CNIH3: variants seen among roughly 807,000 people sequenced by gnomAD.
CNIH3 encodes the protein protein cornichon homolog 3.
CNIH3 carries 14 observed loss-of-function variants against 24.1 expected under a neutral mutation model. That is an observed-to-expected ratio of 0.58 (90% confidence interval 0.38 to 0.91). The LOEUF is 0.91. Among genes scored for constraint, CNIH3 ranks in the 40% least tolerant of loss-of-function variants. CNIH3 has a pLI of 0.00. For missense variants in CNIH3, 178 were observed against 196.8 expected (o/e 0.90, Z 0.57); for synonymous variants, 68 against 73.8 (o/e 0.92, Z 0.40).
intron 1 of CNIH3, among the ~76,000 whole-genome samples, chr1:224,659,165 T>C (rs1415558415): frequency 1.3e-5 from 2 of 152,206 alleles, no homozygotes; most frequent in Non-Finnish European, 2.9e-5. Context: ...CTGCGTCTCA[T>C]GAAAGCAGTT....
At chr1:224,598,705 A>T (rs1439536060) in intron 3 of CNIH3, among the ~76,000 whole-genome samples, 2 of 152,240 alleles carry the variant, frequency 1.3e-5, no homozygotes, top group African/African-American at 4.8e-5. Flanking sequence ...ACCAGCAAAA[A>T]GATTAAGACT....
At chr1:224,726,706 G>A (rs1230456714) in intron 3 of CNIH3, among the ~76,000 whole-genome samples, 2 of 151,996 alleles carry the variant, frequency 1.3e-5, no homozygotes, top group East Asian at 3.9e-4. Flanking sequence ...GATCCCCCTG[G>A]TTGGAATGAA....
At chr1:224,477,734 T>C (rs1433392360) in intron 1 of CNIH3, among the ~76,000 whole-genome samples, 3 of 152,238 alleles carry the variant, frequency 2.0e-5, no homozygotes, top group Non-Finnish European at 2.9e-5. Flanking sequence ...TGTGTTTTTC[T>C]GTGTGCTTAC....
At chr1:224,457,963 G>A (rs1445898252) in intron 1 of CNIH3, among the ~76,000 whole-genome samples, 1 of 152,172 alleles carries the variant, frequency 6.6e-6, no homozygotes, top group Non-Finnish European at 1.5e-5. Context: ...GTGTGGGGAG[G>A]AAGCAGACTT....
chr1:224,615,610 AC>A (rs1245757238), upstream of CNIH3: 3 of 152,184 alleles, frequency 2.0e-5, no homozygotes, highest in Non-Finnish European at 2.9e-5. Flanking sequence ...AAAACGGTCT[AC>A]CTTCAAAAGC....
At chr1:224,615,123 G>C (rs1682890713), upstream of CNIH3, 1 of 152,020 alleles carries the variant, frequency 6.6e-6, no homozygotes, top group Non-Finnish European at 1.5e-5. Context: ...CAGCTCTCAA[G>C]GCATTGGAAT....
intron 1 of CNIH3, among the ~76,000 whole-genome samples, chr1:224,642,368 T>C (rs1250256720): frequency 1.3e-5 from 2 of 152,216 alleles, no homozygotes; most frequent in Non-Finnish European, 2.9e-5. Flanking sequence ...AAGCTGGGAC[T>C]ACAGGCATAT....
chr1:224,684,117 A>T lies in CNIH3; in HGVS notation c.151-679A>T, dbSNP rs1686534997. 6.6e-6 allele frequency among the ~76,000 whole-genome samples: 1 copy of T among 152,192 alleles called. No homozygotes were observed. Among genetic ancestry groups the T allele is most frequent in the Non-Finnish European group, 1.5e-5 (1 of 68,030 alleles). On this transcript the variant is annotated intron_variant, in intron 2 of 5. Transcript: ENST00000272133. This position sits in a 1 kb window ranked among gnomAD's most constrained non-coding sequence, Gnocchi z 4.2. ...TTCAGTGTGGCTTTGGAAATCGTTA[A>T]AGTCACTGAAGGAAAAGGGAGGCAA...
rs987969820 is a variant in CNIH3 at position 224,604,054 on chromosome 1, T to G, written n.402+37790T>G. 3.3e-5 allele frequency among the ~76,000 whole-genome samples: 5 copies of G among 152,264 alleles called. No homozygotes were observed. Among genetic ancestry groups the G allele is most frequent in the African/African-American group, 1.2e-4 (5 of 41,474 alleles). Reference sequence around the variant, plus strand: ...TGTAGAACCAGTGGCAACCACATGATTTCAGTAGAGTGATAAAAATGTGAT... The same window carrying G: ...TGTAGAACCAGTGGCAACCACATGAGTTCAGTAGAGTGATAAAAATGTGAT... On this transcript the variant is annotated intron_variant and non_coding_transcript_variant, in intron 3 of 7. Transcript: ENST00000478120. The surrounding 1 kb of genome is among the most constrained non-coding windows in gnomAD (Gnocchi z 4.4).
intron 2 of CNIH3, among the ~76,000 whole-genome samples, chr1:224,681,717 G>A (rs565054156): frequency 2.0e-5 from 3 of 152,198 alleles, no homozygotes; most frequent in Non-Finnish European, 2.9e-5. Context: ...GGGGACAGGT[G>A]TTTTGGCTGT....
chr1:224,628,452 C>T (rs1286120052), intron 1 of CNIH3, among the ~76,000 whole-genome samples: 1 of 152,084 alleles, frequency 6.6e-6, no homozygotes, highest in Non-Finnish European at 1.5e-5. Flanking sequence ...CTCTCCTCCC[C>T]AAGCCCCTGG....
rs200750410 is a variant in CNIH3, at chr1:224,471,042, TTTTG to T, written n.203+36200_203+36203del. Among the ~76,000 whole-genome samples, 818 of 152,172 alleles carry T rather than the reference TTTTG, an allele frequency of 5.4e-3. 16 individuals carry two copies. Among genetic ancestry groups the T allele is most frequent in the Middle Eastern group, 0.01 (3 of 294 alleles). ...TCGTTGTGCTAGCAAATACTAGGTT[TTTTG>T]TTTGTTTGTTTGTTTGTTTTAGATG... is the stretch of plus-strand genomic sequence containing the variant. On this transcript the variant is annotated intron_variant and non_coding_transcript_variant, in intron 1 of 5. Transcript: ENST00000471578.
At chr1:224,457,641 C>A (rs1675735198) in intron 1 of CNIH3, among the ~76,000 whole-genome samples, 1 of 151,914 alleles carries the variant, frequency 6.6e-6, no homozygotes, top group African/African-American at 2.4e-5. Flanking sequence ...TCATTTCCAG[C>A]CAGGCACTTT....
chr1:224,466,072 T>C (rs992965797), intron 1 of CNIH3, among the ~76,000 whole-genome samples: 1 of 152,122 alleles, frequency 6.6e-6, no homozygotes, highest in Non-Finnish European at 1.5e-5. Context: ...GAAATTGGCA[T>C]TAGTACAATC....
Position 224,617,233 on chromosome 1 carries a change from T to G in CNIH3, c.59T>G (p.Leu20Arg), listed in dbSNP as rs761762363. The G allele has an allele frequency of 6.2e-7, 1 of 1,613,982 alleles. No homozygotes were observed. Among genetic ancestry groups the G allele is most frequent in the Non-Finnish European group, 8.5e-7 (1 of 1,179,948 alleles). The change falls in exon 1 of 6, where the codon CTC becomes CGC. Residue 20 changes from leucine to arginine, a missense_variant. Coordinates refer to ENST00000272133, the MANE Select transcript of CNIH3 (RefSeq NM_152495.2). ...YMLSLVLCAA[L>R]IFFAIWHIIA... Reference sequence around the variant, plus strand: ...CTGTCTCTGGTGCTGTGCGCTGCGCTCATCTTCTTCGCCATCTGGCACGTG... The same window carrying G: ...CTGTCTCTGGTGCTGTGCGCTGCGCGCATCTTCTTCGCCATCTGGCACGTG...
At position 224,684,798 on chromosome 1, in the gene CNIH3, G is replaced by T; in HGVS notation, c.153G>T (p.Arg51Ser). ...PIDQCNPVHA[R>S]ERLRNIERIC... ...TTCTTTCTTGTGCATCCTGATAGAG[G>T]GAACGGTTGAGGAACATCGAGCGCA... Residue 51 changes from arginine (R) to serine (S), a missense_variant and splice_region_variant, in exon 3 of 6, where the codon AGG becomes AGT. By Grantham distance (110) the Arg-to-Ser change is moderately radical (BLOSUM62 -1). Coordinates refer to ENST00000272133, the MANE Select transcript of CNIH3 (RefSeq NM_152495.2). The surrounding 1 kb of genome is among the most constrained non-coding windows in gnomAD (Gnocchi z 4.2). The T allele has an allele frequency of 6.2e-7, 1 of 1,614,004 alleles. No individual in the cohort carries two copies. The highest frequency in any genetic ancestry group is 1.3e-5 in the African/African-American group (1 of 75,058).
chr1:224,662,600 T>C (rs907658675), intron 1 of CNIH3, among the ~76,000 whole-genome samples: 12 of 152,202 alleles, frequency 7.9e-5, no homozygotes, highest in African/African-American at 2.9e-4. Flanking sequence ...ATCTTACCAA[T>C]AATTTTAAAG....
downstream of CNIH3, chr1:224,588,679 G>A (rs1463964423): frequency 1.3e-5 from 2 of 151,830 alleles, no homozygotes; most frequent in Non-Finnish European, 2.9e-5. Context: ...AGACAACCAG[G>A]AATCTGACAA....
chr1:224,580,514 A>C (rs1422599491), intron 4 of CNIH3, among the ~76,000 whole-genome samples: 1 of 152,182 alleles, frequency 6.6e-6, no homozygotes, highest in Non-Finnish European at 1.5e-5. Context: ...AAGCGAAAAA[A>C]GGAGGTCGCA....
Sources: gnomAD v4.1 joint callset for allele counts (sites outside exome capture counted in the v4.1 genomes callset) on GRCh38, gnomAD v4.1.1 for gene constraint, Gnocchi (gnomAD v3.1) non-coding constraint, MANE v1.5 for transcripts, NCBI Gene and HGNC (gene_info 2026-07-23, HGNC 2026-07-21) for gene names.